The following FAM13A variants were observed in gnomAD, a reference collection of about 807,000 sequenced individuals.
FAM13A encodes the protein family with sequence similarity 13 member A.
In FAM13A, 76 loss-of-function variants were observed where a neutral mutation model predicts 129.6. The ratio of observed to expected loss-of-function variants is 0.59; its 90% CI spans 0.49 to 0.71. The LOEUF (loss-of-function observed/expected upper bound fraction) is 0.71, where lower values mean the gene tolerates loss of function less well. Among genes scored for constraint, FAM13A ranks in the 30% least tolerant of loss-of-function variants. The pLI, the probability that FAM13A is intolerant of heterozygous loss-of-function variation, is 0.00. For missense variants in FAM13A, 1,108 were observed against 1,249.3 expected, an observed-to-expected ratio of 0.89 and a Z score of 1.70; for synonymous variants, 443 against 449.9, an observed-to-expected ratio of 0.98 and a Z score of 0.20.
At chr4:88,824,338 T>C (rs984151758) in intron 7 of FAM13A, among the ~76,000 whole-genome samples, 12 of 152,312 alleles carry the variant, frequency 7.9e-5, no homozygotes, top group Middle Eastern at 3.4e-3. Flanking sequence ...CAATTTTATA[T>C]AGATCACTCA....
At chr4:88,862,957 A>G (rs1213094662) in intron 6 of FAM13A, among the ~76,000 whole-genome samples, 2 of 149,386 alleles carry the variant, frequency 1.3e-5, no homozygotes, top group African/African-American at 2.5e-5. Context: ...TTCCTTTTTT[A>G]TTTTTTCTTC....
chr4:88,852,629 C>T (rs1046447987), intron 6 of FAM13A, among the ~76,000 whole-genome samples: 1 of 152,124 alleles, frequency 6.6e-6, no homozygotes, highest in African/African-American at 2.4e-5. Context: ...TAGTCTCCTC[C>T]TATTGTTTAT....
chr4:88,929,681 A>T (rs533734583), intron 5 of FAM13A, among the ~76,000 whole-genome samples: 237 of 151,932 alleles, frequency 1.6e-3, no homozygotes, highest in Middle Eastern at 3.4e-3. Context: ...CTATTATTGG[A>T]GCTTTCAAAT....
chr4:88,745,329 A>AT (rs1206542319), intron 19 of FAM13A, among the ~76,000 whole-genome samples: 20 of 152,310 alleles, frequency 1.3e-4, no homozygotes, highest in African/African-American at 4.8e-4. Context: ...GGGTCTGCCA[A>AT]TTCTACGTGT....
intron 1 of FAM13A, among the ~76,000 whole-genome samples, chr4:89,030,966 T>C (rs978227277): frequency 6.6e-6 from 1 of 152,116 alleles, no homozygotes; most frequent in Admixed American, 6.5e-5. Flanking sequence ...TTGAAAGCCA[T>C]ATTTCTCCAG....
intron 7 of FAM13A, among the ~76,000 whole-genome samples, chr4:88,841,701 A>G (rs2149937387): frequency 6.6e-6 from 1 of 152,304 alleles, no homozygotes; most frequent in Non-Finnish European, 1.5e-5. Context: ...AATGCAAATC[A>G]AAACACAATG....
chr4:88,802,772 T>A (rs752568690), intron 8 of FAM13A, among the ~76,000 whole-genome samples: 1 of 152,154 alleles, frequency 6.6e-6, no homozygotes, highest in African/African-American at 2.4e-5. Context: ...TCCGTCTGCA[T>A]CCTCTATCCC....
At position 88,864,668 on chromosome 4, in the gene FAM13A, A is replaced by G. The variant is rs1166610806; in HGVS notation, c.844-13485T>C. ...ATGATCTGCCTGCCTCAGCCTCCCA[A>G]AGTGCTGGGATTACAGGCATGAGCC... On this transcript the variant is annotated intron_variant, in intron 6 of 23. Coordinates refer to ENST00000264344, the MANE Select transcript of FAM13A (RefSeq NM_014883.4). 3.3e-5 allele frequency among the ~76,000 whole-genome samples: 5 copies of G among 152,284 alleles called. No individual in the cohort carries two copies. The East Asian group carries it at 7.7e-4, about 24-fold the overall frequency.
At position 88,739,145 on chromosome 4, in the gene FAM13A, G is replaced by A. The variant is rs766201180; in HGVS notation, c.2467-20C>T. 14 of 1,556,834 alleles carry A rather than the reference G, an allele frequency of 9.0e-6. No homozygotes were observed. Among genetic ancestry groups the A allele is most frequent in the Non-Finnish European group, 1.2e-5 (13 of 1,128,074 alleles). ...TGTTACCTGAAAAGCAAGAATGAGA[G>A]CTATGAGAAGCCTGCTGCTGGGAGT... On this transcript the variant is annotated intron_variant, in intron 19 of 23. Transcript: ENST00000264344.
intron 5 of FAM13A, among the ~76,000 whole-genome samples, chr4:88,919,912 G>A (rs545048792): frequency 1.2e-4 from 19 of 152,370 alleles, no homozygotes; most frequent in African/African-American, 2.2e-4. Flanking sequence ...CACATGGCTC[G>A]GAGGGTCCTA....
chr4:88,886,913 A>AC (rs1216234991), intron 6 of FAM13A, among the ~76,000 whole-genome samples: 3 of 151,956 alleles, frequency 2.0e-5, no homozygotes, highest in Non-Finnish European at 4.4e-5. Context: ...ATCTCAAAAA[A>AC]AAAAAGAAAG....
At chr4:88,896,099 G>T (rs892420012) in intron 6 of FAM13A, among the ~76,000 whole-genome samples, 1 of 151,342 alleles carries the variant, frequency 6.6e-6, no homozygotes, top group African/African-American at 2.4e-5. Flanking sequence ...CATAAAAAAT[G>T]ATTAGTTCAT....
At position 88,922,059 on chromosome 4, in the gene FAM13A, C is replaced by A. The variant is rs540191123; in HGVS notation, c.760-15597G>T. On this transcript the variant is annotated intron_variant, in intron 5 of 23. Coordinates refer to ENST00000264344, the MANE Select transcript of FAM13A (RefSeq NM_014883.4). The stretch of plus-strand genomic sequence containing the variant: ...CACCCAGATTCATAAAGCAAGTCCT[C>A]AGTGACCTACAAAGAGACTTAGACT... 2.2e-3 allele frequency among the ~76,000 whole-genome samples: 333 copies of A among 149,270 alleles called. 1 individual carries two copies. Among genetic ancestry groups the A allele is most frequent in the African/African-American group, 7.8e-3 (305 of 38,882 alleles).
intron 2 of FAM13A, among the ~76,000 whole-genome samples, chr4:89,027,904 T>G (rs1768177737): frequency 6.6e-6 from 1 of 151,912 alleles, no homozygotes; most frequent in South Asian, 2.1e-4. Context: ...GCTACACCAT[T>G]TAAAACTGAT....
intron 12 of FAM13A, 95 bp from the exon 13 acceptor site, chr4:88,767,690 G>T: frequency 9.9e-7 from 1 of 1,007,262 alleles, no homozygotes; most frequent in Non-Finnish European, 1.4e-6. Context: ...TTAAGAGTAT[G>T]TTGAGTAGCT....
intron 4 of FAM13A, among the ~76,000 whole-genome samples, chr4:88,974,425 T>C (rs1322078182): frequency 6.6e-6 from 1 of 152,176 alleles, no homozygotes; most frequent in Non-Finnish European, 1.5e-5. Flanking sequence ...CGAGTGGTGA[T>C]TCCAAGCTCC....
At chr4:88,973,131 A>ATTTTTTTTTTTTTTTTTT (rs70959640) in intron 4 of FAM13A, among the ~76,000 whole-genome samples, 1 of 134,480 alleles carries the variant, frequency 7.4e-6, no homozygotes, top group Admixed American at 7.4e-5. Context: ...CCTAGGCATA[A>ATTTTTTTTTTTTTTTTTT]TTTTTTTTTT....
intron 3 of FAM13A, among the ~76,000 whole-genome samples, chr4:89,003,554 T>A (rs575364624): frequency 1.3e-5 from 2 of 151,702 alleles, no homozygotes; most frequent in Non-Finnish European, 2.9e-5. Flanking sequence ...GAGGTGGAGG[T>A]TGCAGTAAGC....
chr4:89,001,503 CT>C (rs1764239443), intron 3 of FAM13A, among the ~76,000 whole-genome samples: 2 of 152,172 alleles, frequency 1.3e-5, no homozygotes, highest in South Asian at 4.1e-4. Context: ...GATTCTGTTT[CT>C]CGCAGAAACA....
Sources: gnomAD v4.1 joint callset for allele counts (sites outside exome capture counted in the v4.1 genomes callset) on GRCh38, gnomAD v4.1.1 for gene constraint, MANE v1.5 for transcripts, NCBI Gene and HGNC (gene_info 2026-07-23, HGNC 2026-07-21) for gene names.